LRP1B: variants seen among roughly 807,000 people sequenced by gnomAD.
LRP1B encodes the protein low-density lipoprotein receptor-related protein 1B.
Under a neutral mutation model 556.6 loss-of-function variants are expected in LRP1B, and 217 were observed. The ratio of observed to expected loss-of-function variants is 0.39; its 90% CI spans 0.35 to 0.44. The LOEUF is 0.44. LRP1B is among the 20% of genes least tolerant of loss of function. The pLI, the probability that LRP1B is intolerant of heterozygous loss-of-function variation, is 1.00. For synonymous variants in LRP1B, 2,047 were observed against 1,865.8 expected (o/e 1.10, Z -2.50); for missense variants, 5,053 against 5,620.8 (o/e 0.90, Z 3.23).
At chr2:141,299,490 A>G (rs905734679) in intron 3 of LRP1B, among the ~76,000 whole-genome samples, 1 of 152,228 alleles carries the variant, frequency 6.6e-6, no homozygotes, top group African/African-American at 2.4e-5. Flanking sequence ...TCACTTTTAC[A>G]TAGCTTTGTA....
At chr2:141,479,254 A>T (rs574324381) in intron 3 of LRP1B, among the ~76,000 whole-genome samples, 35 of 152,306 alleles carry the variant, frequency 2.3e-4, no homozygotes, top group African/African-American at 8.2e-4. Context: ...CCAGACCTGG[A>T]AAACTGTCAG....
intron 20 of LRP1B, among the ~76,000 whole-genome samples, chr2:140,943,203 G>C (rs566283362): frequency 3.9e-5 from 6 of 152,190 alleles, no homozygotes; most frequent in African/African-American, 1.4e-4. Context: ...ATTACATAAT[G>C]ATAAAGGGTT....
chr2:141,122,938 T>G (rs1191465079), intron 7 of LRP1B, among the ~76,000 whole-genome samples: 2 of 152,128 alleles, frequency 1.3e-5, no homozygotes, highest in Admixed American at 6.6e-5. Context: ...GATAAGTTCA[T>G]GTCCTTTGTA....
chr2:141,391,300 T>G (rs1690041032), intron 3 of LRP1B, among the ~76,000 whole-genome samples: 1 of 152,046 alleles, frequency 6.6e-6, no homozygotes, highest in African/African-American at 2.4e-5. Context: ...AAATATTGGT[T>G]AAACAAATGA....
intron 3 of LRP1B, among the ~76,000 whole-genome samples, chr2:141,471,726 G>T (rs1198763001): frequency 2.0e-5 from 3 of 152,012 alleles, no homozygotes; most frequent in Non-Finnish European, 4.4e-5. Flanking sequence ...TGAATCCCTG[G>T]TATTTAGCTA....
chr2:140,513,125 T>C (rs1689736014), intron 51 of LRP1B, among the ~76,000 whole-genome samples: 1 of 152,102 alleles, frequency 6.6e-6, no homozygotes, highest in African/African-American at 2.4e-5. Flanking sequence ...GTACATTGGT[T>C]ATGTTGGATG....
intron 7 of LRP1B, among the ~76,000 whole-genome samples, chr2:141,181,921 C>A (rs1470887529): frequency 1.3e-5 from 2 of 151,846 alleles, no homozygotes; most frequent in Admixed American, 6.6e-5. Context: ...GAATTTATAC[C>A]TTTGAATGAG....
chr2:141,326,387 A>G (rs1310229657), intron 3 of LRP1B, among the ~76,000 whole-genome samples: 2 of 152,158 alleles, frequency 1.3e-5, no homozygotes, highest in African/African-American at 4.8e-5. Flanking sequence ...GGACATTATA[A>G]TCTAAAATAA....
At chr2:141,331,023 G>T (rs1687624195) in intron 3 of LRP1B, among the ~76,000 whole-genome samples, 1 of 152,078 alleles carries the variant, frequency 6.6e-6, no homozygotes, top group Admixed American at 6.5e-5. Flanking sequence ...CTCCCAAAGT[G>T]CTGGGATTAC....
chr2:141,214,446 A>G (rs1222877910), intron 6 of LRP1B, among the ~76,000 whole-genome samples: 4 of 152,222 alleles, frequency 2.6e-5, no homozygotes, highest in Admixed American at 1.3e-4. Context: ...TTGCAAATGT[A>G]TCTCCTAATG....
intron 29 of LRP1B, 93 bp downstream of exon 29, chr2:140,850,009 G>T: frequency 2.5e-6 from 2 of 805,212 alleles, no homozygotes; most frequent in Non-Finnish European, 2.0e-6. Flanking sequence ...ACAGCATAAA[G>T]TTGAATAAAA....
chr2:141,238,061 T>G (rs1250546622), intron 5 of LRP1B, among the ~76,000 whole-genome samples: 1 of 152,154 alleles, frequency 6.6e-6, no homozygotes, highest in Non-Finnish European at 1.5e-5. Flanking sequence ...GATATGTAAT[T>G]GATAACCATT....
At chr2:141,135,975 T>C (rs1005149622) in intron 7 of LRP1B, among the ~76,000 whole-genome samples, 8 of 151,904 alleles carry the variant, frequency 5.3e-5, no homozygotes, top group Non-Finnish European at 1.2e-4. Context: ...TATGTTTGCA[T>C]GATTCAATTT....
chr2:141,712,158 T>C (rs1025812309), intron 2 of LRP1B, among the ~76,000 whole-genome samples: 1 of 152,182 alleles, frequency 6.6e-6, no homozygotes, highest in African/African-American at 2.4e-5. Flanking sequence ...AATATGACAA[T>C]TAACTTTCCC....
chr2:141,526,431 A>G (rs1257095198), intron 2 of LRP1B, among the ~76,000 whole-genome samples: 2 of 152,082 alleles, frequency 1.3e-5, no homozygotes, highest in Non-Finnish European at 2.9e-5. Flanking sequence ...TGACCGATAA[A>G]TGTTGATTGT....
intron 3 of LRP1B, among the ~76,000 whole-genome samples, chr2:141,390,932 A>G (rs370628100): frequency 1.3e-5 from 2 of 152,238 alleles, no homozygotes; most frequent in Non-Finnish European, 2.9e-5. Flanking sequence ...AATTAAAAAA[A>G]GAAATATGAC....
intron 3 of LRP1B, among the ~76,000 whole-genome samples, chr2:141,466,721 T>C (rs1193297985): frequency 6.6e-6 from 1 of 152,114 alleles, no homozygotes; most frequent in African/African-American, 2.4e-5. Flanking sequence ...GAAAGCCAAG[T>C]GACAAGGATT....
At chr2:142,018,744 G>T (rs1253084216) in intron 1 of LRP1B, among the ~76,000 whole-genome samples, 2 of 150,246 alleles carry the variant, frequency 1.3e-5, no homozygotes, top group Non-Finnish European at 3.0e-5. Context: ...AATAATTGCT[G>T]AATTAGTATT....
intron 60 of LRP1B, 104 bp from the exon 61 acceptor site, chr2:140,457,755 G>T: frequency 1.1e-6 from 1 of 892,056 alleles, no homozygotes; most frequent in Non-Finnish European, 1.7e-6. Flanking sequence ...ATAACTTCGT[G>T]TGAATAATTG....
Sources: gnomAD v4.1 joint callset for allele counts (sites outside exome capture counted in the v4.1 genomes callset) on GRCh38, gnomAD v4.1.1 for gene constraint, MANE v1.5 for transcripts, NCBI Gene and HGNC (gene_info 2026-07-23, HGNC 2026-07-21) for gene names.